PTPRD: variants seen among roughly 807,000 people sequenced by gnomAD.
PTPRD encodes protein tyrosine phosphatase receptor type D, also known as receptor-type tyrosine-protein phosphatase delta.
In PTPRD, 34 loss-of-function variants were observed where a neutral mutation model predicts 214.5. The ratio of observed to expected loss-of-function variants is 0.16; its 90% CI spans 0.12 to 0.21. PTPRD has a LOEUF of 0.21. PTPRD is among the 10% of genes least tolerant of loss of function. The pLI, the probability that PTPRD is intolerant of heterozygous loss-of-function variation, is 1.00. For missense variants in PTPRD, 2,545 were observed against 2,398.7 expected, an observed-to-expected ratio of 1.06 and a Z score of -1.27; for synonymous variants, 1,128 against 845.7, an observed-to-expected ratio of 1.33 and a Z score of -5.79.
At chr9:10,385,000 G>A (rs1470497639) in intron 2 of PTPRD, among the ~76,000 whole-genome samples, 1 of 151,582 alleles carries the variant, frequency 6.6e-6, no homozygotes, top group Non-Finnish European at 1.5e-5. Flanking sequence ...TAATGTAAAT[G>A]GCTCACAAGG....
chr9:9,061,879 C>T (rs1290801327), intron 10 of PTPRD, among the ~76,000 whole-genome samples: 1 of 152,024 alleles, frequency 6.6e-6, no homozygotes, highest in Non-Finnish European at 1.5e-5. Context: ...CAAATAATCC[C>T]CTTCAAACAG....
chr9:9,377,521 G>C (rs1192763105), intron 9 of PTPRD, among the ~76,000 whole-genome samples: 2 of 151,968 alleles, frequency 1.3e-5, no homozygotes, highest in African/African-American at 2.4e-5. Flanking sequence ...TGTAAGTTTG[G>C]CATTATTATT....
chr9:9,456,915 G>GA (rs559872374), intron 8 of PTPRD, among the ~76,000 whole-genome samples: 10 of 151,766 alleles, frequency 6.6e-5, no homozygotes, highest in Non-Finnish European at 1.2e-4. Context: ...AAGAGGATAG[G>GA]AAAAAACAAA....
At chr9:9,895,246 T>A (rs1426818620) in intron 5 of PTPRD, among the ~76,000 whole-genome samples, 2 of 151,980 alleles carry the variant, frequency 1.3e-5, no homozygotes, top group Non-Finnish European at 1.5e-5. Context: ...TTCTGTTTGT[T>A]ACCAGTAAGA....
intron 3 of PTPRD, among the ~76,000 whole-genome samples, chr9:10,193,532 C>A (rs987126551): frequency 2.0e-5 from 3 of 152,066 alleles, no homozygotes; most frequent in African/African-American, 7.2e-5. Context: ...GAACCAACAC[C>A]TTTGAGTATT....
At chr9:10,609,500 G>T (rs2080376338) in intron 2 of PTPRD, among the ~76,000 whole-genome samples, 1 of 151,994 alleles carries the variant, frequency 6.6e-6, no homozygotes, top group Non-Finnish European at 1.5e-5. Context: ...TGCACTATTA[G>T]TCATTCCTAA....
At chr9:8,913,833 G>T (rs987165208) in intron 11 of PTPRD, among the ~76,000 whole-genome samples, 1 of 152,142 alleles carries the variant, frequency 6.6e-6, no homozygotes, top group African/African-American at 2.4e-5. Flanking sequence ...ATTATGACCT[G>T]CTTTGGGGGT....
chr9:10,511,845 T>C (rs1164612528), intron 2 of PTPRD, among the ~76,000 whole-genome samples: 6 of 131,092 alleles, frequency 4.6e-5, no homozygotes, highest in African/African-American at 1.8e-4. Flanking sequence ...TGGAACCATA[T>C]ACATATCTGT....
chr9:8,326,462 T>C (rs1833864422), intron 44 of PTPRD, among the ~76,000 whole-genome samples: 1 of 151,460 alleles, frequency 6.6e-6, no homozygotes, highest in Admixed American at 6.6e-5. Context: ...TGCTGCTGGA[T>C]TCGGTTTGCC....
intron 3 of PTPRD, among the ~76,000 whole-genome samples, chr9:10,208,977 A>G (rs999092993): frequency 6.6e-6 from 1 of 152,172 alleles, no homozygotes; most frequent in Non-Finnish European, 1.5e-5. Context: ...ATAAAGAGCT[A>G]AGAGTTCAGT....
chr9:10,157,816 T>C (rs186659842), intron 3 of PTPRD, among the ~76,000 whole-genome samples: 2 of 152,220 alleles, frequency 1.3e-5, no homozygotes, highest in Admixed American at 1.3e-4. Context: ...CCTCATGCTT[T>C]TCATTAGTTT....
At chr9:9,098,652 A>G (rs547224207) in intron 10 of PTPRD, among the ~76,000 whole-genome samples, 1 of 152,358 alleles carries the variant, frequency 6.6e-6, no homozygotes, top group South Asian at 2.1e-4. Flanking sequence ...AATCATTACA[A>G]GTATGTTTAT....
At chr9:9,590,641 AC>A (rs2092630362) in intron 7 of PTPRD, among the ~76,000 whole-genome samples, 1 of 151,876 alleles carries the variant, frequency 6.6e-6, no homozygotes, top group Non-Finnish European at 1.5e-5. Flanking sequence ...ATTCAAGATA[AC>A]ACTTGTCTTT....
chr9:9,325,677 C>T (rs920378946), intron 9 of PTPRD, among the ~76,000 whole-genome samples: 29 of 152,064 alleles, frequency 1.9e-4, no homozygotes, highest in Middle Eastern at 3.2e-3. Flanking sequence ...AAGTGAATAC[C>T]CTTTATCTCT....
rs148448818 is a variant in PTPRD at position 10,454,023 on chromosome 9, A to G, written c.-599-113006T>C. ...TGTGATTTAACTATGTATTTTCTGA[A>G]AACAAGCATAATACAAGATAGTATC... On this transcript the variant is annotated intron_variant, in intron 2 of 45. Coordinates refer to ENST00000381196, the MANE Select transcript of PTPRD (RefSeq NM_002839.4). Among the ~76,000 whole-genome samples, 621 of 151,750 alleles carry G rather than the reference A, an allele frequency of 4.1e-3. 2 individuals carry two copies. The highest frequency in any genetic ancestry group is 0.014 in the African/African-American group (586 of 41,528).
At chr9:8,513,767 T>C (rs2097728408) in intron 21 of PTPRD, among the ~76,000 whole-genome samples, 1 of 152,114 alleles carries the variant, frequency 6.6e-6, no homozygotes, top group Non-Finnish European at 1.5e-5. Flanking sequence ...ACAAACATCA[T>C]TGTTTTTGGT....
At chr9:9,678,644 C>A (rs1466494042) in intron 7 of PTPRD, among the ~76,000 whole-genome samples, 2 of 151,806 alleles carry the variant, frequency 1.3e-5, no homozygotes, top group East Asian at 3.9e-4. Context: ...ATTCAGGGTT[C>A]TGTCTCGCCA....
chr9:10,191,102 A>T lies in PTPRD; in HGVS notation c.-545+149861T>A, dbSNP rs111358377. On this transcript the variant is annotated intron_variant, in intron 3 of 45. Coordinates refer to ENST00000381196, the MANE Select transcript of PTPRD (RefSeq NM_002839.4). ...AAATAAATAAAAATCAGGACTCAAG[A>T]CTGTTAATAACATCAGGCTGAAAAT... 1.2e-3 allele frequency among the ~76,000 whole-genome samples: 187 copies of T among 152,248 alleles called. 1 individual carries two copies. Among genetic ancestry groups the T allele is most frequent in the African/African-American group, 4.4e-3 (181 of 41,556 alleles).
rs920720514 is a variant in PTPRD, at chr9:9,390,499, G to T, written c.-203+6950C>A. Among the ~76,000 whole-genome samples, 3 of 151,900 alleles carry T rather than the reference G, an allele frequency of 2.0e-5. No homozygotes were observed. The South Asian group carries it at 6.2e-4, about 32-fold the overall frequency. ...CTGAACAGCTATCTAATGTCCTAAA[G>T]TATTCATAGAAACAATAAAAGATAA... On this transcript the variant is annotated intron_variant, in intron 9 of 45. Transcript: ENST00000381196.
Sources: allele counts gnomAD v4.1 joint callset (sites outside exome capture counted in the v4.1 genomes callset), GRCh38; gene constraint gnomAD v4.1.1; transcripts MANE v1.5; gene names NCBI Gene and HGNC (gene_info 2026-07-23, HGNC 2026-07-21).